Variants in MADD observed in about 807,000 individuals in gnomAD.
The protein encoded by MADD is MAP kinase activating death domain.
In MADD, 109 loss-of-function variants were observed where a neutral mutation model predicts 176.7. That is an observed-to-expected ratio of 0.62 (90% CI 0.53 to 0.72). The LOEUF is 0.72. MADD is among the 30% of genes least tolerant of loss of function. MADD has a pLI of 0.00. For missense variants in MADD, 1,914 were observed against 2,045.5 expected, an observed-to-expected ratio of 0.94 and a Z score of 1.24; for synonymous variants, 771 against 771.3, an observed-to-expected ratio of 1.00 and a Z score of 0.01.
chr11:47,316,135 C>T (rs1391269955), intron 27 of MADD, among the ~76,000 whole-genome samples: 2 of 151,462 alleles, frequency 1.3e-5, no homozygotes, highest in Non-Finnish European at 2.9e-5. Flanking sequence ...TGCGCCCGGC[C>T]CCATTTCTTT....
chr11:47,306,953 A>G (rs993939562), intron 22 of MADD, among the ~76,000 whole-genome samples: 8 of 152,060 alleles, frequency 5.3e-5, no homozygotes, highest in Admixed American at 5.2e-4. Context: ...GGGTGCAGTC[A>G]TGGCTTGGTG....
At chr11:47,299,824 C>T (rs1356360124) in intron 22 of MADD, among the ~76,000 whole-genome samples, 1 of 152,060 alleles carries the variant, frequency 6.6e-6, no homozygotes, top group Admixed American at 6.6e-5. Context: ...AAGCACAACA[C>T]CCAGCCTAAT....
intron 22 of MADD, among the ~76,000 whole-genome samples, chr11:47,299,006 T>C (rs1309978271): frequency 1.3e-5 from 2 of 152,240 alleles, no homozygotes; most frequent in Non-Finnish European, 2.9e-5. Context: ...TATGGATTTC[T>C]TTCTGGGTTC....
intron 22 of MADD, among the ~76,000 whole-genome samples, chr11:47,296,764 G>GTTTTTTTTTTT (rs753454831): frequency 1.2e-4 from 14 of 116,872 alleles, no homozygotes; most frequent in East Asian, 5.0e-4. Flanking sequence ...GTTTTTTGTT[G>GTTTTTTTTTTT]TTTTTTTTTT....
chr11:47,281,749 A>G (rs1355027463), exon 8 of MADD: 9 of 1,593,636 alleles, frequency 5.6e-6, no homozygotes, highest in African/African-American at 1.3e-5. Flanking sequence ...GGATGTTGCA[A>G]CCAGGTAAGA....
At position 47,285,600 on chromosome 11, in the gene MADD, TTCAG is replaced by T; in HGVS notation, c.2551+11_2551+14del. ...ATCATGTCTTTTGCCAGTAAGTGCC[TTCAG>T]CTGTCTCTCTCACTCCTGTGTTCCA... On this transcript the variant is annotated intron_variant, in intron 14 of 32. Coordinates refer to ENST00000402192, the Ensembl canonical transcript of MADD. The T allele has an allele frequency of 6.2e-7, 1 of 1,613,942 alleles. No individual in the cohort carries two copies. Among genetic ancestry groups the T allele is most frequent in the African/African-American group, 1.3e-5 (1 of 75,046 alleles).
chr11:47,284,181 C>T, exon 11 of MADD: 3 of 1,608,880 alleles, frequency 1.9e-6, no homozygotes, highest in Non-Finnish European at 2.6e-6. Flanking sequence ...TCTGCAGTGG[C>T]AGTGATAGTA....
chr11:47,295,739 C>T (rs751380741), intron 21 of MADD, 158 bp from the exon 24 acceptor site: 12 of 985,362 alleles, frequency 1.2e-5, no homozygotes, highest in Non-Finnish European at 1.4e-5. Flanking sequence ...CGAGATTTCA[C>T]CCAGAGCTTC....
At chr11:47,284,505 C>T in exon 12 of MADD, 11 of 1,614,122 alleles carry the variant, frequency 6.8e-6, no homozygotes, top group Non-Finnish European at 8.5e-6. Flanking sequence ...CCCCACTGCG[C>T]TCCAGCTCTA....
rs181829005 is a variant in MADD, at chr11:47,300,304, T to G, written c.3642+4249T>G. Reference sequence around the variant, plus strand: ...TCACTGCTACCCCCGCCTCCCGGGTTCAAGCAGTTCTCCTGCCTCAGTCTC... The same window carrying G: ...TCACTGCTACCCCCGCCTCCCGGGTGCAAGCAGTTCTCCTGCCTCAGTCTC... On this transcript the variant is annotated intron_variant, in intron 22 of 32. Coordinates refer to ENST00000402192, the Ensembl canonical transcript of MADD. Among the ~76,000 whole-genome samples the G allele has an allele frequency of 9.9e-4, 150 of 151,312 alleles. 1 individual carries two copies. In the Middle Eastern group the frequency reaches 0.024, roughly 24 times the overall value.
exon 24 of MADD, chr11:47,309,306 C>T (rs758127268): frequency 1.2e-6 from 2 of 1,614,030 alleles, no homozygotes; most frequent in Non-Finnish European, 1.7e-6. Flanking sequence ...CTTTATGGGA[C>T]CAAATGCAAT....
At chr11:47,274,722 T>C (rs1263667873) in exon 3 of MADD, 2 of 1,614,078 alleles carry the variant, frequency 1.2e-6, no homozygotes, top group Non-Finnish European at 1.7e-6. Context: ...TTCGGGATGA[T>C]ACCTCTTTTG....
At chr11:47,289,307 G>A in intron 15 of MADD, 84 bp from the exon 17 acceptor site, 1 of 1,164,188 alleles carries the variant, frequency 8.6e-7, no homozygotes, top group Non-Finnish European at 1.3e-6. Context: ...GAACGGGCAT[G>A]GAACATGGCT....
intron 22 of MADD, among the ~76,000 whole-genome samples, chr11:47,302,270 G>C (rs11493249): frequency 0.16 from 25,062 of 152,134 alleles, 3,169 homozygotes; most frequent in East Asian, 0.6. Context: ...CTGGAGTGCA[G>C]TGGCGCAATC....
intron 27 of MADD, among the ~76,000 whole-genome samples, chr11:47,319,892 T>G (rs890839472): frequency 6.1e-5 from 9 of 147,822 alleles, no homozygotes; most frequent in Non-Finnish European, 1.2e-4. Context: ...CATGGGAGGC[T>G]GAGGCAGGAG....
At chr11:47,302,502 G>A (rs942738346) in intron 22 of MADD, among the ~76,000 whole-genome samples, 16 of 152,304 alleles carry the variant, frequency 1.1e-4, no homozygotes, top group African/African-American at 2.4e-4. Flanking sequence ...GTGAGCCACC[G>A]TGCTCAGCCT....
chr11:47,285,636 C>T, intron 14 of MADD, 46 bp downstream of exon 14: 1 of 1,610,764 alleles, frequency 6.2e-7, no homozygotes, highest in Non-Finnish European at 8.5e-7. Flanking sequence ...TCCATTTTCT[C>T]TACAGCAGAG....
exon 6 of MADD, chr11:47,278,235 A>G (rs201776152): frequency 6.2e-6 from 10 of 1,614,112 alleles, no homozygotes; most frequent in Non-Finnish European, 7.6e-6. Context: ...CTGGACTTCA[A>G]AATGCCTGAT....
chr11:47,275,020 C>G (rs1162041098), exon 3 of MADD: 2 of 1,614,146 alleles, frequency 1.2e-6, no homozygotes, highest in East Asian at 4.5e-5. Context: ...CAACAGTACT[C>G]TCACGTCCCT....
Sources: gnomAD v4.1 joint callset for allele counts (sites outside exome capture counted in the v4.1 genomes callset) on GRCh38, gnomAD v4.1.1 for gene constraint, MANE v1.5 for transcripts, NCBI Gene and HGNC (gene_info 2026-07-23, HGNC 2026-07-21) for gene names.